The following GCNA variants were observed in gnomAD, a reference collection of about 807,000 sequenced individuals.
GCNA encodes the protein germ cell nuclear acidic protein.
In GCNA, 3 loss-of-function variants were observed where a neutral mutation model predicts 38.8. That is an observed-to-expected ratio of 0.08 (90% CI 0.04 to 0.20). The LOEUF is 0.20. GCNA is among the 10% of genes least tolerant of loss of function. The pLI is 1.00. For synonymous variants in GCNA, 195 were observed against 240.2 expected (o/e 0.81, Z 1.74); for missense variants, 446 against 578.6 (o/e 0.77, Z 2.35).
rs1224156575 is a variant in GCNA at position 71,598,057 on chromosome X, G to T, written c.310+19G>T. 8.9e-7 allele frequency: 1 copy of T among 1,122,215 alleles called. No individual in the cohort carries two copies. Among genetic ancestry groups the T allele is most frequent in the Non-Finnish European group, 1.2e-6 (1 of 815,986 alleles). 92.5% of individuals were successfully genotyped at this position (1,122,215 alleles called of 1,213,427 possible). A position where few individuals can be genotyped will look rare whatever the true frequency, so the allele number is the denominator to read the frequency against. ...AGCGACGGCAAGTATATATTACTTT[G>T]TTAGATAAGTAGCTGAGCTCCAAAG... On this transcript the variant is annotated intron_variant, in intron 7 of 12. Coordinates refer to ENST00000373696, the MANE Select transcript of GCNA (RefSeq NM_052957.5).
chrX:71,588,154 G>T (rs2040597100), intron 2 of GCNA, among the ~76,000 whole-genome samples: 1 of 111,476 alleles, frequency 9.0e-6, no homozygotes, highest in African/African-American at 3.3e-5. Flanking sequence ...TTGTCTATTT[G>T]TTTTTTTGTC....
At chrX:71,584,582 TAGTC>T (rs1474297561) in intron 2 of GCNA, among the ~76,000 whole-genome samples, 11 of 111,648 alleles carry the variant, frequency 9.9e-5, no homozygotes, top group East Asian at 2.9e-4. Context: ...ATTAAATTAA[TAGTC>T]AGGAGCGGTG....
intron 7 of GCNA, among the ~76,000 whole-genome samples, chrX:71,599,925 AT>A (rs2040700276): frequency 8.9e-6 from 1 of 112,555 alleles, no homozygotes; most frequent in African/African-American, 3.2e-5. Flanking sequence ...TTCATAATTA[AT>A]TCAAATAACA....
chrX:71,608,944 A>G (rs779401270), intron 9 of GCNA, 29 bp from the exon 10 acceptor site: 6 of 1,202,182 alleles, frequency 5.0e-6, no homozygotes, highest in Non-Finnish European at 5.6e-6. Context: ...CTTTAGCTAC[A>G]TAAACCTCAG....
Position 71,604,594 on chromosome X carries a change from G to A in GCNA, c.1317G>A (p.Arg439=), listed in dbSNP as rs1479487519. The stretch of plus-strand genomic sequence containing the variant: ...CCAAAAATATAGTGGAGCCACCAAG[G>A]AAAAGGCAGACAAAGACCAAAAATA... ...TKTKNIVEPP[R]KRQTKTKNIV... is the part of the protein sequence containing the mutation. The change falls in exon 8 of 13, where the codon AGG becomes AGA. Residue 439 remains arginine (R), a synonymous_variant. Transcript: ENST00000373696. 1.7e-6 allele frequency: 2 copies of A among 1,198,296 alleles called. No homozygotes were observed. The highest frequency in any genetic ancestry group is 3.5e-5 in the African/African-American group (2 of 57,076).
At chrX:71,584,251 A>AT (rs2040568280) in intron 2 of GCNA, among the ~76,000 whole-genome samples, 1 of 109,794 alleles carries the variant, frequency 9.1e-6, no homozygotes, top group Admixed American at 9.7e-5. Flanking sequence ...GTAGTATTTA[A>AT]TTTTTTTTGT....
At position 71,604,590 on chromosome X, in the gene GCNA, C is replaced by T. The variant is rs772284740; in HGVS notation, c.1313C>T (p.Pro438Leu). ...AAGACCAAAAATATAGTGGAGCCAC[C>T]AAGGAAAAGGCAGACAAAGACCAAA... is the stretch of plus-strand genomic sequence containing the variant. Reference protein sequence around the residue: ...QTKTKNIVEPPRKRQTKTKNI... With the variant: ...QTKTKNIVEPLRKRQTKTKNI... The change falls in exon 8 of 13, where the codon CCA becomes CTA. Residue 438 changes from proline (P) to leucine (L), a missense_variant. Physicochemically the swap from Pro to Leu is moderately conservative, Grantham distance 98. This residue lies in a region of GCNA where 160 missense variants were observed against 165.2 expected (regional missense o/e 0.97). Coordinates refer to ENST00000373696, the MANE Select transcript of GCNA (RefSeq NM_052957.5). 2 of 1,196,408 alleles carry T rather than the reference C, an allele frequency of 1.7e-6. No individual in the cohort carries two copies. The highest frequency in any genetic ancestry group is 3.5e-5 in the African/African-American group (2 of 56,773).
At chrX:71,579,061 T>G (rs2040524443) in intron 1 of GCNA, among the ~76,000 whole-genome samples, 1 of 89,072 alleles carries the variant, frequency 1.1e-5, no homozygotes, top group Non-Finnish European at 2.2e-5. Context: ...TTGGCGGCCT[T>G]GGGGGAAGTG....
chrX:71,608,624 G>A (rs2040786747), intron 9 of GCNA, among the ~76,000 whole-genome samples: 2 of 112,841 alleles, frequency 1.8e-5, no homozygotes, highest in Admixed American at 1.9e-4. Flanking sequence ...TGTAACACAA[G>A]TTTGATAATT....
chrX:71,607,902 A>T (rs981465334), intron 9 of GCNA, among the ~76,000 whole-genome samples: 1 of 112,833 alleles, frequency 8.9e-6, no homozygotes, highest in Non-Finnish European at 1.9e-5. Context: ...GGAAATTGCA[A>T]TTTGTGTCCA....
intron 2 of GCNA, among the ~76,000 whole-genome samples, chrX:71,591,870 G>A (rs1234964972): frequency 2.7e-4 from 30 of 112,239 alleles, no homozygotes; most frequent in African/African-American, 8.4e-4. Context: ...CTGATAGCTA[G>A]CGATAACTCA....
intron 2 of GCNA, among the ~76,000 whole-genome samples, chrX:71,588,349 G>A (rs1305983783): frequency 1.8e-5 from 2 of 111,575 alleles, no homozygotes; most frequent in Non-Finnish European, 1.9e-5. Context: ...TAGGTCTGTG[G>A]TGAAAATGAA....
chrX:71,594,541 G>T (rs1368150329), intron 5 of GCNA, among the ~76,000 whole-genome samples, 164 bp downstream of exon 5: 1 of 97,130 alleles, frequency 1.0e-5, no homozygotes, highest in African/African-American at 3.7e-5. Flanking sequence ...AGTGGAGGAG[G>T]TTCTCTGCTT....
At chrX:71,612,156 T>TA (rs2040815745) in intron 11 of GCNA, among the ~76,000 whole-genome samples, 199 bp from the exon 12 acceptor site, 1 of 106,801 alleles carries the variant, frequency 9.4e-6, no homozygotes, top group Non-Finnish European at 1.9e-5. Context: ...TGCATGCCTG[T>TA]AATCCCAGTT....
chrX:71,602,826 G>A (rs2040726577), intron 7 of GCNA, among the ~76,000 whole-genome samples: 1 of 111,912 alleles, frequency 8.9e-6, no homozygotes. Flanking sequence ...GCCAGTGCTT[G>A]TGGGGTATTG....
chrX:71,595,063 T>C (rs1353939243), intron 6 of GCNA, among the ~76,000 whole-genome samples: 2 of 111,134 alleles, frequency 1.8e-5, no homozygotes, highest in Non-Finnish European at 3.8e-5. Context: ...AAGCCCTTTT[T>C]GGTGTTTGCT....
In GCNA at chrX:71,604,681, G is replaced by A; in HGVS notation, c.1399+5G>A. 4 of 1,208,179 alleles carry A rather than the reference G, an allele frequency of 3.3e-6. No individual in the cohort carries two copies. Among genetic ancestry groups the A allele is most frequent in the Non-Finnish European group, 4.5e-6 (4 of 894,177 alleles). ...AAAATGTATCTGTGACACCTGGTAA[G>A]CCAGTCATGCCAAGTATGCCTGTCC... On this transcript the variant is annotated splice_donor_5th_base_variant and intron_variant, in intron 8 of 12. Coordinates refer to ENST00000373696, the MANE Select transcript of GCNA (RefSeq NM_052957.5).
rs2040541564 is a variant in GCNA at position 71,580,849 on chromosome X, C to T, written c.28C>T (p.Arg10Cys). ...GGATGGGTGCAAAAAAGAGCTGCCC[C>T]GCTTGCAAGAGCCGGAGGAGGACGA... Reference protein sequence around the residue: MDGCKKELPRLQEPEEDEDC... With the variant: MDGCKKELPCLQEPEEDEDC... The change falls in exon 2 of 13, where the codon CGC (arginine) becomes TGC (cysteine). Residue 10 changes from arginine (R) to cysteine (C), a missense_variant. Coordinates refer to ENST00000373696, the MANE Select transcript of GCNA (RefSeq NM_052957.5). 5.0e-6 allele frequency: 6 copies of T among 1,201,058 alleles called. No homozygotes were observed. The highest frequency in any genetic ancestry group is 2.2e-5 in the Admixed American group (1 of 44,690).
chrX:71,580,915 A>T, intron 2 of GCNA, 35 bp downstream of exon 2: 1 of 1,150,183 alleles, frequency 8.7e-7, no homozygotes, highest in Non-Finnish European at 1.2e-6. Flanking sequence ...CTTTTAGTTT[A>T]GTGTTACCGT....
Sources: gnomAD v4.1 joint callset for allele counts (sites outside exome capture counted in the v4.1 genomes callset) on GRCh38, gnomAD v4.1.1 for gene constraint, gnomAD v4.1.1 regional missense constraint, MANE v1.5 for transcripts, NCBI Gene and HGNC (gene_info 2026-07-23, HGNC 2026-07-21) for gene names.